EHBP1L1: variants seen among roughly 807,000 people sequenced by gnomAD.
EHBP1L1 encodes EH domain-binding protein 1-like protein 1.
EHBP1L1 carries 122 observed loss-of-function variants against 151.1 expected under a neutral mutation model. That is an observed-to-expected ratio of 0.81 (90% CI 0.70 to 0.94). EHBP1L1 has a LOEUF of 0.94. EHBP1L1 is among the 40% of genes least tolerant of loss of function. EHBP1L1 has a pLI of 0.00. For missense variants in EHBP1L1, 1,941 were observed against 1,959.8 expected (o/e 0.99, Z 0.18); for synonymous variants, 878 against 810.1 (o/e 1.08, Z -1.42).
Position 65,585,598 on chromosome 11 carries a change from G to A in EHBP1L1, c.3933+7G>A. ...CATGGGAGCTGCGGCTGCAGTGAGTGTCAAGGTCCTTCTTTCTTCCCCCGC... is the reference window on the plus strand; with the variant it reads ...CATGGGAGCTGCGGCTGCAGTGAGTATCAAGGTCCTTCTTTCTTCCCCCGC... On this transcript the variant is annotated splice_region_variant and intron_variant, in intron 12 of 18. Transcript: ENST00000309295. This position sits in a 1 kb window ranked among gnomAD's most constrained non-coding sequence, Gnocchi z 4.0. 6.4e-6 allele frequency: 10 copies of A among 1,568,390 alleles called. No homozygotes were observed. The highest frequency in any genetic ancestry group is 8.6e-6 in the Non-Finnish European group (10 of 1,164,706).
Position 65,576,398 on chromosome 11 carries a change from C to T in EHBP1L1, c.96C>T (p.Thr32=). The change falls in exon 1 of 19, where the codon ACC becomes ACT. Residue 32 remains threonine (T), a synonymous_variant. Coordinates refer to ENST00000309295, the MANE Select transcript of EHBP1L1 (RefSeq NM_001099409.3). ...ACYHELVLEC[T]KKWQPDKLVV... is the part of the protein sequence containing the mutation. ...ACCACGAGCTAGTGTTGGAGTGCAC[C>T]AAGAAATGGTGAGTGGGAGGGAGGC... The T allele has an allele frequency of 6.3e-7, 1 of 1,584,692 alleles. No individual in the cohort carries two copies. The highest frequency in any genetic ancestry group is 8.6e-7 in the Non-Finnish European group (1 of 1,165,752).
At position 65,589,940 on chromosome 11, in the gene EHBP1L1, G is replaced by A. The variant is rs1178199818; in HGVS notation, c.4008G>A (p.Gly1336=). ...TATCATCATCTCTGTCTGCAGGTGG[G>A]AGTTCCCCCTCGGAGGAACCACCCC... ...TAADSQQPPG[G]SSPSEEPPPS... Residue 1336 remains glycine (G), a synonymous_variant, in exon 14 of 19, where the codon GGG becomes GGA. Transcript: ENST00000309295. 6.4e-7 allele frequency: 1 copy of A among 1,564,478 alleles called. No individual in the cohort carries two copies. Among genetic ancestry groups the A allele is most frequent in the East Asian group, 2.3e-5 (1 of 43,892 alleles).
chr11:65,589,771 C>G lies in EHBP1L1; in HGVS notation c.3954C>G (p.Pro1318=). 1 of 1,554,106 alleles carries G rather than the reference C, an allele frequency of 6.4e-7. No homozygotes were observed. The highest frequency in any genetic ancestry group is 8.7e-7 in the Non-Finnish European group (1 of 1,148,908). The change falls in exon 13 of 19, where the codon CCC becomes CCG. Residue 1318 remains proline (P), a synonymous_variant. Transcript: ENST00000309295. ...AAAAEGQAPD[P]SPAPGPPTAA... ...CACAGGAAGGCCAGGCCCCTGACCCCAGCCCTGCCCCAGGCCCACCCACAG... is the reference window on the plus strand; with the variant it reads ...CACAGGAAGGCCAGGCCCCTGACCCGAGCCCTGCCCCAGGCCCACCCACAG...
At chr11:65,586,720 C>G (rs1857983699) in intron 12 of EHBP1L1, among the ~76,000 whole-genome samples, 1 of 152,188 alleles carries the variant, frequency 6.6e-6, no homozygotes, top group Non-Finnish European at 1.5e-5. Flanking sequence ...GAGTGAGAGA[C>G]AGAGGGCATG....
rs1488462741 is a variant in EHBP1L1, at chr11:65,579,349, C to T, written c.171C>T (p.Ser57=). Residue 57 remains serine (S), a synonymous_variant, in exon 3 of 19, where the codon AGC becomes AGT. Transcript: ENST00000309295. ...CAGATTGTCCCTTGTAGGCCCACAG[C>T]TGGCAGCCGGGCATCCAGAACCCAT... ...RNRRICSKAH[S]WQPGIQNPYR... 6.4e-7 allele frequency: 1 copy of T among 1,559,556 alleles called. No homozygotes were observed. The highest frequency in any genetic ancestry group is 8.7e-7 in the Non-Finnish European group (1 of 1,151,408).
In EHBP1L1 at chr11:65,579,974, A is replaced by G. The variant is rs772031744; in HGVS notation, c.297A>G (p.Thr99=). ...ACCAGTATGAGGCCAAAGAGTGGAC[A>G]TTTATTATTGAAAATGTGAGTGTCT... The part of the protein sequence containing the change: ...HVDQYEAKEW[T]FIIENESKGQ... Residue 99 remains threonine (T), a synonymous_variant, in exon 4 of 19, where the codon ACA becomes ACG. Coordinates refer to ENST00000309295, the MANE Select transcript of EHBP1L1 (RefSeq NM_001099409.3). The G allele has an allele frequency of 1.3e-5, 21 of 1,613,746 alleles. No homozygotes were observed. Among genetic ancestry groups the G allele is most frequent in the South Asian group, 1.1e-5 (1 of 91,090 alleles).
chr11:65,585,283 T>A lies in EHBP1L1; in HGVS notation c.3625T>A (p.Ser1209Thr). 1 of 1,077,568 alleles carries A rather than the reference T, an allele frequency of 9.3e-7. No individual in the cohort carries two copies. Among genetic ancestry groups the A allele is most frequent in the South Asian group, 4.3e-5 (1 of 23,196 alleles). The allele number at this position is 1,077,568 out of a possible 1,614,324, so 66.8% of individuals were successfully genotyped here. A position where few individuals can be genotyped will look rare whatever the true frequency, so the allele number is the denominator to read the frequency against. ...RADGAAPGVASRNAVAGRASK... is the reference protein window; with the variant it reads ...RADGAAPGVATRNAVAGRASK... Reference sequence around the variant, plus strand: ...AGACGGGGCGGCCCCGGGGGTGGCCTCCAGGAACGCGGTCGCGGGCCGCGC... The same window carrying A: ...AGACGGGGCGGCCCCGGGGGTGGCCACCAGGAACGCGGTCGCGGGCCGCGC... Residue 1209 changes from serine to threonine, a missense_variant, in exon 12 of 19, where the codon TCC becomes ACC. Ser to Thr is a moderately conservative substitution (Grantham distance 58, BLOSUM62 1). Coordinates refer to ENST00000309295, the MANE Select transcript of EHBP1L1 (RefSeq NM_001099409.3). The surrounding 1 kb of genome is among the most constrained non-coding windows in gnomAD (Gnocchi z 4.0).
In EHBP1L1 at chr11:65,585,029, T is replaced by A; in HGVS notation, c.3371T>A (p.Val1124Glu). 1 of 1,536,904 alleles carries A rather than the reference T, an allele frequency of 6.5e-7. No homozygotes were observed. Among genetic ancestry groups the A allele is most frequent in the Non-Finnish European group, 8.7e-7 (1 of 1,147,754 alleles). Residue 1124 changes from valine (V) to glutamate (E), a missense_variant, in exon 12 of 19, where the codon GTG becomes GAG. Transcript: ENST00000309295. This position sits in a 1 kb window ranked among gnomAD's most constrained non-coding sequence, Gnocchi z 4.0. ...LEPADMVLLS[V>E]PDKLIVMTYL... ...CCCGCGGACATGGTGCTACTGTCGG[T>A]GCCCGACAAGCTCATCGTCATGACG...
In EHBP1L1 at chr11:65,583,160, G is replaced by C. The variant is rs1857728713; in HGVS notation, c.2488G>C (p.Gly830Arg). Residue 830 changes from glycine (G) to arginine (R), a missense_variant, in exon 9 of 19, where the codon GGG becomes CGG. Transcript: ENST00000309295. ...GTQEIASRSS[G>R]VPGLESEVAG... ...CCAAGAGATAGCATCTAGGAGTTCA[G>C]GGGTCCCAGGGCTAGAATCTGAGGT... is the stretch of plus-strand genomic sequence containing the variant. 1.2e-6 allele frequency: 2 copies of C among 1,613,218 alleles called. No individual in the cohort carries two copies. Among genetic ancestry groups the C allele is most frequent in the African/African-American group, 1.3e-5 (1 of 74,808 alleles).
intron 12 of EHBP1L1, among the ~76,000 whole-genome samples, chr11:65,588,710 C>A (rs1202527653): frequency 6.6e-6 from 1 of 152,320 alleles, no homozygotes; most frequent in East Asian, 1.9e-4. Context: ...AAGTTGGGGA[C>A]CCCCAGGGCT....
In EHBP1L1 at chr11:65,591,924, C is replaced by G. The variant is rs1590843508; in HGVS notation, c.4357+51C>G. 2.5e-6 allele frequency: 4 copies of G among 1,606,128 alleles called. No homozygotes were observed. In the East Asian group the frequency reaches 9.0e-5, roughly 36 times the overall value. On this transcript the variant is annotated intron_variant, in intron 17 of 18. Transcript: ENST00000309295. Reference sequence around the variant, plus strand: ...AGGCAAGACAGAGCCAGGGTGGAGGCGGCACAGCCCTGGGCCCGCGCCTCC... The same window carrying G: ...AGGCAAGACAGAGCCAGGGTGGAGGGGGCACAGCCCTGGGCCCGCGCCTCC...
In EHBP1L1 at chr11:65,589,935, G is replaced by A. The variant is rs1485548431; in HGVS notation, c.4004-1G>A. ...TGCCTTATCATCATCTCTGTCTGCA[G>A]GTGGGAGTTCCCCCTCGGAGGAACC... On this transcript the variant is annotated splice_acceptor_variant, in intron 13 of 18. Transcript: ENST00000309295. LOFTEE classifies it high-confidence loss of function. 2.6e-6 allele frequency: 4 copies of A among 1,562,456 alleles called. No homozygotes were observed. The highest frequency in any genetic ancestry group is 1.7e-4 in the Middle Eastern group (1 of 5,844).
intron 7 of EHBP1L1, 35 bp from the exon 8 acceptor site, chr11:65,581,176 G>A: frequency 6.2e-7 from 1 of 1,611,112 alleles, no homozygotes; most frequent in Non-Finnish European, 8.5e-7. Context: ...CAGGTCACTG[G>A]GCCCAGGCCA....
At position 65,592,057 on chromosome 11, in the gene EHBP1L1, A is replaced by T; in HGVS notation, c.4439A>T (p.Glu1480Val). 1 of 1,613,316 alleles carries T rather than the reference A, an allele frequency of 6.2e-7. No individual in the cohort carries two copies. Reference sequence around the variant, plus strand: ...GTGTCGCTGGTGAACCAGCGCGATGAGCTAGTCCGGGACCTGGACCACAAG... The same window carrying T: ...GTGTCGCTGGTGAACCAGCGCGATGTGCTAGTCCGGGACCTGGACCACAAG... ...ELVSLVNQRD[E>V]LVRDLDHKER... The change falls in exon 18 of 19, where the codon GAG becomes GTG. Residue 1480 changes from glutamate (E) to valine (V), a missense_variant. Glu to Val is a moderately radical substitution (Grantham distance 121). Transcript: ENST00000309295.
intron 16 of EHBP1L1, 38 bp from the exon 17 acceptor site, chr11:65,591,762 T>C: frequency 7.3e-7 from 1 of 1,367,912 alleles, no homozygotes; most frequent in Admixed American, 2.0e-5. Flanking sequence ...TTTCCTGAAC[T>C]GCCACCCCCC....
Position 65,580,124 on chromosome 11 carries a change from A to G in EHBP1L1, c.356A>G (p.Asp119Gly), listed in dbSNP as rs990958666. 5.6e-6 allele frequency: 9 copies of G among 1,613,414 alleles called. No homozygotes were observed. Among genetic ancestry groups the G allele is most frequent in the Non-Finnish European group, 6.8e-6 (8 of 1,179,772 alleles). Residue 119 changes from aspartate (D) to glycine (G), a missense_variant, in exon 5 of 19, where the codon GAC (aspartate) becomes GGC (glycine). By Grantham distance (94) the Asp-to-Gly change is moderately conservative. Transcript: ENST00000309295. ...AAGGTGCTGGCCACGGCCGAGGTGG[A>G]CCTGGCCCGCCATGCAGGGCCCGTG... ...QRKVLATAEV[D>G]LARHAGPVPV...
chr11:65,587,185 C>T (rs543344149), intron 12 of EHBP1L1, among the ~76,000 whole-genome samples: 5 of 152,248 alleles, frequency 3.3e-5, no homozygotes, highest in Admixed American at 3.3e-4. Flanking sequence ...CCATCCTGGC[C>T]AACATGGTGA....
chr11:65,590,598 T>C lies in EHBP1L1; in HGVS notation c.4283+6T>C. The C allele has an allele frequency of 6.2e-7, 1 of 1,612,876 alleles. No homozygotes were observed. Among genetic ancestry groups the C allele is most frequent in the Non-Finnish European group, 8.5e-7 (1 of 1,179,600 alleles). ...CAGGACCAGCTGCAGCTGCTGTGAG[T>C]GCTGGCCCCGGGCCAGGAGAGCAGA... On this transcript the variant is annotated splice_donor_region_variant and intron_variant, in intron 16 of 18. Coordinates refer to ENST00000309295, the MANE Select transcript of EHBP1L1 (RefSeq NM_001099409.3).
rs1363383897 is a variant in EHBP1L1, at chr11:65,582,310, A to G, written c.1638A>G (p.Leu546=). 2.6e-6 allele frequency: 4 copies of G among 1,536,164 alleles called. No individual in the cohort carries two copies. The highest frequency in any genetic ancestry group is 3.5e-6 in the Non-Finnish European group (4 of 1,147,032). Residue 546 remains leucine (L), a synonymous_variant, in exon 9 of 19, where the codon TTA becomes TTG. Coordinates refer to ENST00000309295, the MANE Select transcript of EHBP1L1 (RefSeq NM_001099409.3). Reference sequence around the variant, plus strand: ...TGAGCAGCTGGCAGGGGGCCCTGTTATCAACTGCCCAGGGGGCAATATCCA... The same window carrying G: ...TGAGCAGCTGGCAGGGGGCCCTGTTGTCAACTGCCCAGGGGGCAATATCCA... ...PQVSSWQGAL[L]STAQGAISRG...
Sources: gnomAD v4.1 joint callset for allele counts (sites outside exome capture counted in the v4.1 genomes callset) on GRCh38, gnomAD v4.1.1 for gene constraint, Gnocchi (gnomAD v3.1) non-coding constraint, MANE v1.5 for transcripts, NCBI Gene and HGNC (gene_info 2026-07-23, HGNC 2026-07-21) for gene names.